PRKCB: variants seen among roughly 807,000 people sequenced by gnomAD.
PRKCB encodes the protein protein kinase C beta, also known as protein kinase C beta type.
In PRKCB, 13 loss-of-function variants were observed where a neutral mutation model predicts 81.5. That is an observed-to-expected ratio of 0.16 (90% CI 0.10 to 0.25). The LOEUF is 0.25. Ranked by LOEUF, PRKCB falls within the 10% of genes least tolerant of loss-of-function variation. The probability of loss-of-function intolerance (pLI) is 1.00; values close to 1 mark genes in which losing one functional copy is unlikely to be tolerated. For synonymous variants in PRKCB, 335 were observed against 321.4 expected, an observed-to-expected ratio of 1.04 and a Z score of -0.45; for missense variants, 509 against 875.7, an observed-to-expected ratio of 0.58 and a Z score of 5.29.
intron 5 of PRKCB, among the ~76,000 whole-genome samples, chr16:24,038,370 G>C (rs1162571734): frequency 1.3e-5 from 2 of 152,234 alleles, no homozygotes; most frequent in Non-Finnish European, 2.9e-5. Flanking sequence ...GTTCAGAGCA[G>C]GCAAATGTAT....
intron 3 of PRKCB, among the ~76,000 whole-genome samples, chr16:24,012,105 A>G (rs189605210): frequency 2.2e-4 from 34 of 152,196 alleles, no homozygotes; most frequent in African/African-American, 7.5e-4. Flanking sequence ...GCAGTGATCA[A>G]TTCTTGGGGC....
At chr16:24,096,666 A>ATATATATATATATATATAT (rs1555496499) in intron 7 of PRKCB, among the ~76,000 whole-genome samples, 2 of 32,694 alleles carry the variant, frequency 6.1e-5, no homozygotes, top group East Asian at 1.2e-3. Context: ...AAAAAAAAAA[A>ATATATATATATATATATAT]ATATATATAT....
intron 2 of PRKCB, among the ~76,000 whole-genome samples, chr16:23,902,193 T>C (rs920369844): frequency 6.6e-6 from 1 of 152,190 alleles, no homozygotes; most frequent in Non-Finnish European, 1.5e-5. Flanking sequence ...GCCATATATT[T>C]TCTGAAACTT....
chr16:24,082,996 C>A (rs988557276), intron 5 of PRKCB, among the ~76,000 whole-genome samples: 2 of 152,136 alleles, frequency 1.3e-5, no homozygotes, highest in Non-Finnish European at 2.9e-5. Context: ...TTGTATGAAG[C>A]CAGCCTTACT....
chr16:23,988,683 G>T, intron 3 of PRKCB, 93 bp downstream of exon 3: 1 of 1,202,506 alleles, frequency 8.3e-7, no homozygotes, highest in Non-Finnish European at 1.2e-6. Flanking sequence ...AGTAAGTGTG[G>T]ACGATCTCAC....
intron 9 of PRKCB, among the ~76,000 whole-genome samples, chr16:24,138,845 CTTTTTTT>C (rs991952336): frequency 5.1e-3 from 401 of 78,858 alleles, no homozygotes; most frequent in Admixed American, 6.5e-3. Context: ...CAGTATTTGT[CTTTTTTT>C]TTTTTTTTTT....
intron 5 of PRKCB, among the ~76,000 whole-genome samples, chr16:24,042,669 C>G (rs190050470): frequency 1.3e-5 from 2 of 151,142 alleles, no homozygotes; most frequent in Admixed American, 6.6e-5. Context: ...CAATAGAATT[C>G]AAAATTTACT....
intron 12 of PRKCB, among the ~76,000 whole-genome samples, chr16:24,176,104 A>T (rs1000770634): frequency 2.0e-5 from 3 of 152,008 alleles, no homozygotes; most frequent in Non-Finnish European, 4.4e-5. Context: ...AGGCTTTCAG[A>T]GTCCTGGGGC....
chr16:24,082,732 A>G (rs1160761694), intron 5 of PRKCB, among the ~76,000 whole-genome samples: 3 of 152,190 alleles, frequency 2.0e-5, no homozygotes, highest in Non-Finnish European at 4.4e-5. Context: ...GGAGCAAAAT[A>G]TAAAGGTATA....
At chr16:23,926,166 G>C (rs747810960) in intron 2 of PRKCB, among the ~76,000 whole-genome samples, 2 of 151,998 alleles carry the variant, frequency 1.3e-5, no homozygotes, top group Non-Finnish European at 1.5e-5. Flanking sequence ...AGTTTCTTGA[G>C]AGGCTGAGGC....
intron 2 of PRKCB, among the ~76,000 whole-genome samples, chr16:23,953,149 C>T (rs111876166): frequency 0.022 from 3,301 of 152,200 alleles, 82 homozygotes; most frequent in African/African-American, 0.061. Context: ...CTTGAAGGTA[C>T]GCAGTCAATG....
intron 7 of PRKCB, among the ~76,000 whole-genome samples, chr16:24,103,359 T>A (rs1025807355): frequency 1.3e-5 from 2 of 152,226 alleles, no homozygotes; most frequent in African/African-American, 4.8e-5. Context: ...TTAATATTAA[T>A]GTTAAGTTAC....
intron 2 of PRKCB, among the ~76,000 whole-genome samples, chr16:23,977,434 T>C (rs196013): frequency 0.97 from 147,503 of 152,224 alleles, 71,493 homozygotes; most frequent in East Asian, 1. Flanking sequence ...GGAGTGGGAC[T>C]TGAGCACTTT....
chr16:23,847,350 ATCTATCTATCTATCTATCTATCTATCTG>A (rs1309876305), intron 2 of PRKCB, among the ~76,000 whole-genome samples: 4,300 of 117,646 alleles, frequency 0.037, 194 homozygotes, highest in African/African-American at 0.12. Flanking sequence ...CTATCTATCT[ATCTATCTATCTATCTATCTATCTATCTG>A]TCCATCTATC....
intron 5 of PRKCB, among the ~76,000 whole-genome samples, chr16:24,044,171 A>G (rs1297605244): frequency 1.3e-5 from 2 of 152,122 alleles, no homozygotes; most frequent in Non-Finnish European, 2.9e-5. Context: ...TCTGGCCAAC[A>G]TGGTGAAACC....
At chr16:24,052,791 A>G (rs1965858868) in intron 5 of PRKCB, among the ~76,000 whole-genome samples, 1 of 152,010 alleles carries the variant, frequency 6.6e-6, no homozygotes, top group Non-Finnish European at 1.5e-5. Flanking sequence ...CTTTAACACA[A>G]CCTGTTTTAT....
intron 9 of PRKCB, among the ~76,000 whole-genome samples, chr16:24,136,572 C>A (rs1458132392): frequency 6.6e-6 from 1 of 152,122 alleles, no homozygotes; most frequent in Admixed American, 6.6e-5. Flanking sequence ...CCTCTCTCAG[C>A]CTTGTTGATG....
At chr16:24,009,784 T>A in intron 3 of PRKCB, among the ~76,000 whole-genome samples, 1 of 151,612 alleles carries the variant, frequency 6.6e-6, no homozygotes, top group African/African-American at 2.4e-5. Flanking sequence ...GAGGCCGAGG[T>A]AGGGGGGATC....
intron 2 of PRKCB, among the ~76,000 whole-genome samples, chr16:23,930,439 T>C (rs8055773): frequency 0.4 from 61,324 of 151,710 alleles, 12,902 homozygotes; most frequent in South Asian, 0.55. Context: ...TATGGGGGTA[T>C]GCACCTGTAG....
Sources: gnomAD v4.1 joint callset for allele counts (sites outside exome capture counted in the v4.1 genomes callset) on GRCh38, gnomAD v4.1.1 for gene constraint, MANE v1.5 for transcripts, NCBI Gene and HGNC (gene_info 2026-07-23, HGNC 2026-07-21) for gene names.